The following OASL variants were observed in gnomAD, a reference collection of about 807,000 sequenced individuals.
OASL encodes 2'-5'-oligoadenylate synthetase like.
In OASL, 28 loss-of-function variants were observed where a neutral mutation model predicts 35.3. That is an observed-to-expected ratio of 0.79 (90% CI 0.59 to 1.09). The LOEUF is 1.09. OASL is among the 50% of genes least tolerant of loss of function. OASL has a pLI of 0.00. For synonymous variants in OASL, 252 were observed against 254.6 expected (o/e 0.99, Z 0.10); for missense variants, 620 against 635.2 (o/e 0.98, Z 0.26).
downstream of OASL, among the ~76,000 whole-genome samples, chr12:121,018,005 C>T (rs754380565): frequency 2.0e-5 from 3 of 152,158 alleles, no homozygotes; most frequent in Non-Finnish European, 2.9e-5. Flanking sequence ...TATAATACTG[C>T]GGATTTTAGG....
chr12:121,038,814 C>T (rs767389930), exon 1 of OASL: 23 of 1,614,024 alleles, frequency 1.4e-5, no homozygotes, highest in East Asian at 4.5e-5. Context: ...GTCCAGCCCA[C>T]GCTTCCCCTG....
intron 1 of OASL, among the ~76,000 whole-genome samples, chr12:121,035,160 G>A (rs113336969): frequency 6.6e-6 from 1 of 151,998 alleles, no homozygotes; most frequent in African/African-American, 2.4e-5. Flanking sequence ...ACATGAGCAC[G>A]GATGCTGGAT....
intron 5 of OASL, chr12:121,023,749 C>A: frequency 2.3e-6 from 1 of 440,032 alleles, no homozygotes; most frequent in Non-Finnish European, 4.1e-6. Context: ...AACTGATTCT[C>A]CAGTAAATTA....
intron 4 of OASL, among the ~76,000 whole-genome samples, chr12:121,025,485 T>C (rs2708081): frequency 0.51 from 76,914 of 151,854 alleles, 20,309 homozygotes; most frequent in African/African-American, 0.62. Flanking sequence ...GCTCTTTGAG[T>C]GGGGCGCAGT....
intron 4 of OASL, among the ~76,000 whole-genome samples, chr12:121,024,737 G>A (rs75429583): frequency 2.0e-5 from 3 of 152,108 alleles, no homozygotes; most frequent in African/African-American, 4.8e-5. Flanking sequence ...AGGCAGGGGG[G>A]GCCCTGTACC....
chr12:121,029,470 C>CCT, intron 3 of OASL, among the ~76,000 whole-genome samples: 1 of 152,154 alleles, frequency 6.6e-6, no homozygotes, highest in African/African-American at 2.4e-5. Flanking sequence ...AGGTGGATCA[C>CCT]AAGGTCAGGA....
chr12:121,033,438 G>A (rs369520507), intron 2 of OASL, 23 bp downstream of exon 2: 26 of 1,599,930 alleles, frequency 1.6e-5, no homozygotes, highest in African/African-American at 5.4e-5. Context: ...TGTGTGAGTC[G>A]GGTGAGCTTC....
intron 1 of OASL, among the ~76,000 whole-genome samples, chr12:121,036,417 G>A (rs1869960082): frequency 6.6e-6 from 1 of 152,186 alleles, no homozygotes; most frequent in Non-Finnish European, 1.5e-5. Flanking sequence ...CCATTTAGTG[G>A]TTTCAAGAGG....
At chr12:121,032,298 T>C (rs1869769372) in intron 2 of OASL, among the ~76,000 whole-genome samples, 1 of 152,160 alleles carries the variant, frequency 6.6e-6, no homozygotes, top group African/African-American at 2.4e-5. Context: ...AATCAGATCC[T>C]GTCTCTTATA....
At chr12:121,018,767 G>T (rs918798160), downstream of OASL, among the ~76,000 whole-genome samples, 5 of 151,642 alleles carry the variant, frequency 3.3e-5, no homozygotes, top group African/African-American at 1.2e-4. Flanking sequence ...CTACTCGGGA[G>T]GCTGAGGCAG....
At chr12:121,039,025 G>C in exon 1 of OASL, 2 of 1,491,394 alleles carry the variant, frequency 1.3e-6, no homozygotes, top group Non-Finnish European at 1.9e-6. Flanking sequence ...CTCCTACCCA[G>C]CTCCCTGGCA....
At chr12:121,023,465 T>C (rs1217192173) in intron 5 of OASL, among the ~76,000 whole-genome samples, 8 of 146,372 alleles carry the variant, frequency 5.5e-5, no homozygotes, top group Admixed American at 5.2e-4. Flanking sequence ...ATTTTGTATT[T>C]TTTTAGTAGA....
At chr12:121,031,261 C>T (rs976803259) in intron 3 of OASL, among the ~76,000 whole-genome samples, 181 bp downstream of exon 3, 3 of 152,168 alleles carry the variant, frequency 2.0e-5, no homozygotes, top group Non-Finnish European at 4.4e-5. Flanking sequence ...CTCCTCCTCT[C>T]CTCCTTTTCC....
At chr12:121,037,451 G>A (rs895969525) in intron 1 of OASL, among the ~76,000 whole-genome samples, 2 of 152,028 alleles carry the variant, frequency 1.3e-5, no homozygotes, top group African/African-American at 4.8e-5. Flanking sequence ...GTGACCTTGG[G>A]CAAGTCACCT....
At chr12:121,022,234 A>C (rs1288740670) in intron 5 of OASL, among the ~76,000 whole-genome samples, 1 of 151,922 alleles carries the variant, frequency 6.6e-6, no homozygotes, top group Non-Finnish European at 1.5e-5. Flanking sequence ...CTACAGGCAC[A>C]TGCCACCACA....
intron 5 of OASL, among the ~76,000 whole-genome samples, chr12:121,022,729 A>C (rs996210650): frequency 1.3e-5 from 2 of 151,938 alleles, no homozygotes; most frequent in African/African-American, 4.8e-5. Context: ...TTTACCCCTC[A>C]TCATCCTTTG....
intron 2 of OASL, among the ~76,000 whole-genome samples, chr12:121,032,150 G>A (rs892745455): frequency 1.3e-5 from 2 of 152,002 alleles, no homozygotes; most frequent in African/African-American, 4.8e-5. Flanking sequence ...CCGAGATCAC[G>A]GCACTGCACT....
At chr12:121,022,466 C>A (rs377180675) in intron 5 of OASL, among the ~76,000 whole-genome samples, 1 of 152,194 alleles carries the variant, frequency 6.6e-6, no homozygotes, top group East Asian at 1.9e-4. Context: ...GGGATCCACC[C>A]GCCTCAGCCC....
At chr12:121,019,699 G>A (rs934972971) in exon 6 of OASL, 2 of 152,210 alleles carry the variant, frequency 1.3e-5, no homozygotes, top group African/African-American at 2.4e-5. Flanking sequence ...TAACAAAGGC[G>A]ATTTATTCCC....
Sources: allele counts gnomAD v4.1 joint callset (sites outside exome capture counted in the v4.1 genomes callset), GRCh38; gene constraint gnomAD v4.1.1; transcripts MANE v1.5; gene names NCBI Gene and HGNC (gene_info 2026-07-23, HGNC 2026-07-21).